The following ARFGEF1 variants were observed in gnomAD, a reference collection of about 807,000 sequenced individuals.
ARFGEF1 encodes the protein ARF guanine nucleotide exchange factor 1, also known as brefeldin A-inhibited guanine nucleotide-exchange protein 1.
In ARFGEF1, 42 loss-of-function variants were observed where a neutral mutation model predicts 231.0. The ratio of observed to expected loss-of-function variants is 0.18; its 90% CI spans 0.14 to 0.24. The LOEUF (loss-of-function observed/expected upper bound fraction) is 0.24. Among genes scored for constraint, ARFGEF1 ranks in the 10% least tolerant of loss-of-function variants. The probability of loss-of-function intolerance (pLI) is 1.00; values close to 1 mark genes in which losing one functional copy is unlikely to be tolerated. For synonymous variants in ARFGEF1, 710 were observed against 732.3 expected, an observed-to-expected ratio of 0.97 and a Z score of 0.49; for missense variants, 1,345 against 2,192.0, an observed-to-expected ratio of 0.61 and a Z score of 7.72.
chr8:67,258,218 G>C lies in ARFGEF1; in HGVS notation c.2308C>G (p.His770Asp). 2 of 1,611,596 alleles carry C rather than the reference G, an allele frequency of 1.2e-6. No homozygotes were observed. The highest frequency in any genetic ancestry group is 1.7e-6 in the Non-Finnish European group (2 of 1,177,954). ...KEVMYAYVDQ[H>D]DFSGKDFVSA... is the part of the protein sequence containing the mutation. Reference sequence around the variant, plus strand: ...ACGAAGTCTTTTCCTGAAAAGTCATGTTGGTCCACATATGCATACATGACT... The same window carrying C: ...ACGAAGTCTTTTCCTGAAAAGTCATCTTGGTCCACATATGCATACATGACT... Residue 770 changes from histidine (H) to aspartate (D), a missense_variant, in exon 16 of 39, where the codon CAT (histidine) becomes GAT (aspartate). Coordinates refer to ENST00000262215, the MANE Select transcript of ARFGEF1 (RefSeq NM_006421.5).
At chr8:67,292,226 T>C in intron 5 of ARFGEF1, 103 bp from the exon 6 acceptor site, 2 of 948,730 alleles carry the variant, frequency 2.1e-6, no homozygotes, top group African/African-American at 1.7e-5. Flanking sequence ...CCATTCTCTC[T>C]ACGCTTGGAA....
intron 1 of ARFGEF1, among the ~76,000 whole-genome samples, chr8:67,308,164 T>C (rs112346439): frequency 0.016 from 2,382 of 152,278 alleles, 43 homozygotes; most frequent in Non-Finnish European, 0.02. Context: ...TCATTTCAGT[T>C]TGCCCAGCTG....
intron 5 of ARFGEF1, among the ~76,000 whole-genome samples, chr8:67,186,986 T>TATCTATCTATCTATCTATCTATCTATCTA: frequency 6.8e-6 from 1 of 148,070 alleles, no homozygotes; most frequent in Non-Finnish European, 1.5e-5. Context: ...TCTATCTATC[T>TATCTATCTATCTATCTATCTATCTATCTA]ATCTATCTAT....
intron 19 of ARFGEF1, among the ~76,000 whole-genome samples, chr8:67,248,990 TA>T (rs2128883436): frequency 6.6e-6 from 1 of 150,594 alleles, no homozygotes. Flanking sequence ...AAAAAGTTTA[TA>T]TCCCTTAATA....
chr8:67,188,923 C>T (rs1239684274), intron 5 of ARFGEF1, among the ~76,000 whole-genome samples: 1 of 152,194 alleles, frequency 6.6e-6, no homozygotes, highest in Non-Finnish European at 1.5e-5. Context: ...CCCAAGATTC[C>T]ATTCCTTGGA....
At chr8:67,295,304 A>G (rs1806183674) in intron 5 of ARFGEF1, among the ~76,000 whole-genome samples, 1 of 152,176 alleles carries the variant, frequency 6.6e-6, no homozygotes, top group Non-Finnish European at 1.5e-5. Flanking sequence ...TATCTCCCCA[A>G]AGATATTTAT....
chr8:67,195,466 G>A, downstream of ARFGEF1: 2 of 1,614,146 alleles, frequency 1.2e-6, no homozygotes, highest in African/African-American at 1.3e-5. Context: ...ACTGAGCCCT[G>A]GCTCCGCCCT....
chr8:67,304,222 C>T (rs1806634624), intron 1 of ARFGEF1, among the ~76,000 whole-genome samples: 2 of 152,198 alleles, frequency 1.3e-5, no homozygotes, highest in South Asian at 2.1e-4. Context: ...AATCACCTTG[C>T]TATACAATTT....
chr8:67,202,147 A>C (rs553966682), intron 36 of ARFGEF1, among the ~76,000 whole-genome samples: 56 of 152,290 alleles, frequency 3.7e-4, no homozygotes, highest in Middle Eastern at 3.4e-3. Context: ...TTAAGCACCA[A>C]ACCCTTTTGA....
chr8:67,319,620 G>A (rs902854164), intron 1 of ARFGEF1, among the ~76,000 whole-genome samples: 3 of 151,832 alleles, frequency 2.0e-5, no homozygotes, highest in Non-Finnish European at 4.4e-5. Flanking sequence ...AAACATAGGA[G>A]AAACTCTCTG....
At chr8:67,185,294 T>C (rs531874373) in intron 5 of ARFGEF1, among the ~76,000 whole-genome samples, 14 of 152,310 alleles carry the variant, frequency 9.2e-5, no homozygotes, top group Middle Eastern at 3.4e-3. Flanking sequence ...GCCCCAGAAC[T>C]ATCTTTTCGG....
At chr8:67,334,630 T>C (rs1257994236) in intron 1 of ARFGEF1, among the ~76,000 whole-genome samples, 1 of 152,180 alleles carries the variant, frequency 6.6e-6, no homozygotes, top group East Asian at 1.9e-4. Context: ...TACACAAATA[T>C]TCATGGCAGT....
At position 67,252,410 on chromosome 8, in the gene ARFGEF1, G is replaced by A. The variant is rs193097952; in HGVS notation, c.2699-960C>T. Among the ~76,000 whole-genome samples, 16 of 151,374 alleles carry A rather than the reference G, an allele frequency of 1.1e-4. No individual in the cohort carries two copies. In the South Asian group the frequency reaches 2.7e-3, roughly 26 times the overall value. Reference sequence around the variant, plus strand: ...ACTCCAGGGTAATTTTGGCGTTTTCGGCACACCACCATCTCCTTTCCATTT... The same window carrying A: ...ACTCCAGGGTAATTTTGGCGTTTTCAGCACACCACCATCTCCTTTCCATTT... On this transcript the variant is annotated intron_variant, in intron 18 of 38. Transcript: ENST00000262215.
Position 67,277,440 on chromosome 8 carries a change from T to C in ARFGEF1, c.1045A>G (p.Thr349Ala). 6.2e-7 allele frequency: 1 copy of C among 1,613,384 alleles called. No homozygotes were observed. Among genetic ancestry groups the C allele is most frequent in the East Asian group, 2.2e-5 (1 of 44,840 alleles). Residue 349 changes from threonine to alanine, a missense_variant, in exon 8 of 39, where the codon ACT becomes GCT. Around this residue, in one of 14 missense-constraint regions of ARFGEF1, gnomAD observed 398 missense variants for 463.2 expected, o/e 0.86. Coordinates refer to ENST00000262215, the MANE Select transcript of ARFGEF1 (RefSeq NM_006421.5). ...TTGCCATCTGCACTTGCATTTATAG[T>C]AGTCCCTTCTCCCATATCTAAAATG... Reference protein sequence around the residue: ...IVVGDMGEGTTINASADGNIG... With the variant: ...IVVGDMGEGTAINASADGNIG...
At chr8:67,263,122 C>T (rs981139407) in intron 14 of ARFGEF1, among the ~76,000 whole-genome samples, 5 of 152,196 alleles carry the variant, frequency 3.3e-5, no homozygotes, top group Non-Finnish European at 7.4e-5. Context: ...TATATCATAT[C>T]CCATTCCCTA....
intron 20 of ARFGEF1, among the ~76,000 whole-genome samples, chr8:67,239,258 G>C (rs1465997966): frequency 1.3e-5 from 2 of 151,656 alleles, no homozygotes; most frequent in Non-Finnish European, 2.9e-5. Context: ...TGCCCGCCTC[G>C]ACCTCCCAAA....
In ARFGEF1 at chr8:67,190,725, A is replaced by G. The variant is rs201629827; in HGVS notation, c.560+9671T>C. On this transcript the variant is annotated intron_variant, in intron 5 of 5. Coordinates refer to the ARFGEF1 transcript ENST00000518789. The stretch of plus-strand genomic sequence containing the variant: ...CCATCACAGTTGCCCTCTGCACGGG[A>G]GCGCAGGAGGAACAAATGGAAAGGA... 6.6e-5 allele frequency: 107 copies of G among 1,613,646 alleles called. No homozygotes were observed. In the Middle Eastern group the frequency reaches 5.1e-3, roughly 77 times the overall value.
In ARFGEF1 at chr8:67,222,238, T is replaced by TGTATGTAC. The variant is rs2128869056; in HGVS notation, c.4208+2664_4208+2665insGTACATAC. ...ATATATATATATGTATATGTATGTA[T>TGTATGTAC]GTATGTATGTATGTATGTATGTATG... On this transcript the variant is annotated intron_variant, in intron 29 of 38. Transcript: ENST00000262215. Among the ~76,000 whole-genome samples the TGTATGTAC allele has an allele frequency of 2.2e-5, 3 of 135,770 alleles. 1 individual carries two copies. In the South Asian group the frequency reaches 7.1e-4, roughly 32 times the overall value. 89.1% of individuals were successfully genotyped at this position (135,770 alleles called of 152,430 possible).
intron 17 of ARFGEF1, among the ~76,000 whole-genome samples, chr8:67,256,856 G>A (rs754640527): frequency 4.6e-5 from 7 of 152,074 alleles, no homozygotes; most frequent in Non-Finnish European, 1.0e-4. Flanking sequence ...AACTTTTTAG[G>A]TATGCTGGTA....
Sources: gnomAD v4.1 joint callset for allele counts (sites outside exome capture counted in the v4.1 genomes callset) on GRCh38, gnomAD v4.1.1 for gene constraint, gnomAD v4.1.1 regional missense constraint, MANE v1.5 for transcripts, NCBI Gene and HGNC (gene_info 2026-07-23, HGNC 2026-07-21) for gene names.